The following CPQ variants were observed in gnomAD, a reference collection of about 807,000 sequenced individuals.
The protein encoded by CPQ is Ser-Met dipeptidase.
In CPQ, 37 loss-of-function variants were observed where a neutral mutation model predicts 45.7. That is an observed-to-expected ratio of 0.81 (90% CI 0.62 to 1.07). CPQ has a LOEUF of 1.07. CPQ is among the 50% of genes least tolerant of loss of function. CPQ has a pLI of 0.00. For synonymous variants in CPQ, 186 were observed against 205.8 expected, an observed-to-expected ratio of 0.90 and a Z score of 0.82; for missense variants, 537 against 572.9, an observed-to-expected ratio of 0.94 and a Z score of 0.64.
chr8:97,116,764 G>A (rs534479262), intron 7 of CPQ, among the ~76,000 whole-genome samples: 27 of 152,314 alleles, frequency 1.8e-4, no homozygotes, highest in African/African-American at 6.5e-4. Context: ...TCCCAAAGTT[G>A]GGAAATACAG....
intron 7 of CPQ, among the ~76,000 whole-genome samples, chr8:97,136,390 A>T (rs1215515462): frequency 6.6e-6 from 1 of 152,204 alleles, no homozygotes; most frequent in African/African-American, 2.4e-5. Context: ...AGATTGGCTC[A>T]TCTTTGTGGC....
chr8:96,826,034 G>C (rs1029011457), intron 2 of CPQ, among the ~76,000 whole-genome samples: 3 of 152,076 alleles, frequency 2.0e-5, no homozygotes, highest in African/African-American at 7.2e-5. Context: ...TTATTAAAGA[G>C]TATAACATGG....
intron 1 of CPQ, among the ~76,000 whole-genome samples, chr8:96,676,789 A>G (rs1283675788): frequency 3.3e-5 from 5 of 151,972 alleles, no homozygotes; most frequent in African/African-American, 9.7e-5. Context: ...AGTAGTGTTC[A>G]CTGTACCCAA....
intron 7 of CPQ, among the ~76,000 whole-genome samples, chr8:97,093,565 A>G (rs1811160302): frequency 6.6e-6 from 1 of 152,174 alleles, no homozygotes; most frequent in Non-Finnish European, 1.5e-5. Context: ...AGTTGGATAG[A>G]AAAAAGAAAG....
chr8:96,892,243 A>G (rs1377732240), intron 4 of CPQ, among the ~76,000 whole-genome samples: 1 of 152,190 alleles, frequency 6.6e-6, no homozygotes, highest in Non-Finnish European at 1.5e-5. Flanking sequence ...AAAAGAATAA[A>G]CCAAACCTGA....
chr8:96,707,261 G>C (rs1249765664), intron 1 of CPQ, among the ~76,000 whole-genome samples: 7 of 152,076 alleles, frequency 4.6e-5, no homozygotes, highest in African/African-American at 1.7e-4. Context: ...TAGCCACAAG[G>C]AGCTGATGAG....
chr8:96,978,969 G>A (rs760466713), intron 5 of CPQ, among the ~76,000 whole-genome samples: 4 of 152,096 alleles, frequency 2.6e-5, no homozygotes, highest in East Asian at 1.9e-4. Context: ...AGTTCCTTGC[G>A]TCAAGGAGCT....
Position 97,009,015 on chromosome 8 carries a change from G to A in CPQ, c.962-20388G>A, listed in dbSNP as rs191541379. 1.4e-4 allele frequency among the ~76,000 whole-genome samples: 21 copies of A among 152,330 alleles called. No homozygotes were observed. In the East Asian group the frequency reaches 3.7e-3, roughly 27 times the overall value. ...TCACTTGCTGACCTGGTTGGCTGAAGTTTTGGCCATGGGCCACCCTGTCTG... is the reference window on the plus strand; with the variant it reads ...TCACTTGCTGACCTGGTTGGCTGAAATTTTGGCCATGGGCCACCCTGTCTG... On this transcript the variant is annotated intron_variant, in intron 5 of 7. Transcript: ENST00000220763.
At chr8:96,779,673 G>C (rs1164310789) in intron 1 of CPQ, among the ~76,000 whole-genome samples, 1 of 152,144 alleles carries the variant, frequency 6.6e-6, no homozygotes, top group Admixed American at 6.5e-5. Context: ...GTTAATTAAT[G>C]TTTGCAGAAT....
intron 7 of CPQ, among the ~76,000 whole-genome samples, chr8:97,101,978 C>T (rs1306324503): frequency 6.9e-6 from 1 of 145,212 alleles, no homozygotes; most frequent in Non-Finnish European, 1.5e-5. Context: ...CTCTCTCTCT[C>T]CTGATAGCTC....
chr8:96,926,576 C>CTCTTCCTCTTCCTCTTCTTCTTCTTCT (rs1445697100), intron 4 of CPQ, among the ~76,000 whole-genome samples: 151 of 74,948 alleles, frequency 2.0e-3, no homozygotes, highest in East Asian at 3.7e-3. Context: ...CTTCCTCTTC[C>CTCTTCCTCTTCCTCTTCTTCTTCTTCT]TCTTCTTCTT....
intron 3 of CPQ, among the ~76,000 whole-genome samples, chr8:96,879,320 G>A (rs1307352265): frequency 3.3e-5 from 5 of 152,206 alleles, no homozygotes. Flanking sequence ...CCAATGTGGA[G>A]TTATAGATTT....
At chr8:96,913,687 G>A (rs1812696508) in intron 4 of CPQ, among the ~76,000 whole-genome samples, 1 of 152,312 alleles carries the variant, frequency 6.6e-6, no homozygotes, top group East Asian at 1.9e-4. Flanking sequence ...ATCAGCTAAA[G>A]TTTTCGAAGA....
intron 3 of CPQ, among the ~76,000 whole-genome samples, chr8:96,857,538 T>A (rs1251641193): frequency 6.6e-6 from 1 of 152,218 alleles, no homozygotes; most frequent in Non-Finnish European, 1.5e-5. Context: ...ATGAAAAATC[T>A]TTCTTAACTG....
intron 3 of CPQ, among the ~76,000 whole-genome samples, chr8:96,863,987 T>C (rs976812338): frequency 1.3e-5 from 2 of 152,100 alleles, no homozygotes; most frequent in Non-Finnish European, 2.9e-5. Context: ...TGTATAATTA[T>C]TATTGGTCTT....
intron 7 of CPQ, chr8:97,133,164 C>T (rs1309456056): frequency 2.0e-5 from 3 of 152,092 alleles, no homozygotes; most frequent in Non-Finnish European, 2.9e-5. Flanking sequence ...CACATGCACA[C>T]ATATATACCT....
At chr8:96,809,745 T>C (rs553844230) in intron 2 of CPQ, among the ~76,000 whole-genome samples, 2 of 152,224 alleles carry the variant, frequency 1.3e-5, no homozygotes, top group South Asian at 4.1e-4. Context: ...ATACATAAAT[T>C]ATACTTCAAA....
At chr8:97,039,799 C>T (rs559159094) in intron 6 of CPQ, among the ~76,000 whole-genome samples, 1 of 151,940 alleles carries the variant, frequency 6.6e-6, no homozygotes. Flanking sequence ...CATGTCCCTA[C>T]AAAGGACATG....
chr8:96,982,276 A>G (rs1813914013), intron 5 of CPQ, among the ~76,000 whole-genome samples: 1 of 152,220 alleles, frequency 6.6e-6, no homozygotes, highest in Non-Finnish European at 1.5e-5. Context: ...TTTAAATAAA[A>G]GAATTGGCAG....
Sources: gnomAD v4.1 joint callset for allele counts (sites outside exome capture counted in the v4.1 genomes callset) on GRCh38, gnomAD v4.1.1 for gene constraint, MANE v1.5 for transcripts, NCBI Gene and HGNC (gene_info 2026-07-23, HGNC 2026-07-21) for gene names.